The following PYROXD2 variants were observed in gnomAD, a reference collection of about 807,000 sequenced individuals.
PYROXD2 encodes pyridine nucleotide-disulfide oxidoreductase domain-containing protein 2.
Under a neutral mutation model 71.1 loss-of-function variants are expected in PYROXD2, and 69 were observed. The observed-to-expected ratio is 0.97, with a 90% CI of 0.80 to 1.19. The LOEUF is 1.19. Among genes scored for constraint, PYROXD2 ranks in the 50% most tolerant of loss-of-function variants. The pLI is 0.00. For missense variants in PYROXD2, 745 were observed against 748.9 expected, an observed-to-expected ratio of 0.99 and a Z score of 0.06; for synonymous variants, 287 against 302.7, an observed-to-expected ratio of 0.95 and a Z score of 0.54.
chr10:98,390,491 T>C, intron 12 of PYROXD2, 107 bp downstream of exon 12: 2 of 1,295,816 alleles, frequency 1.5e-6, no homozygotes, highest in Non-Finnish European at 2.1e-6. Flanking sequence ...TAAGTCACTG[T>C]GAAGGTTGAA....
At chr10:98,394,490 G>C (rs11597428) in intron 8 of PYROXD2, among the ~76,000 whole-genome samples, 51,215 of 151,002 alleles carry the variant, frequency 0.34, 8,913 homozygotes, top group South Asian at 0.44. Flanking sequence ...GCTTCTAGCT[G>C]TATCTTCTGG....
At chr10:98,387,150 G>T in intron 14 of PYROXD2, 51 bp downstream of exon 14, 1 of 1,347,114 alleles carries the variant, frequency 7.4e-7, no homozygotes. Context: ...GCCAGGAAGT[G>T]AGGGTGCAGA....
At position 98,407,579 on chromosome 10, in the gene PYROXD2, T is replaced by A. The variant is rs200172567; in HGVS notation, c.315+3A>T. The A allele has an allele frequency of 6.8e-5, 109 of 1,613,484 alleles. No homozygotes were observed. Among genetic ancestry groups the A allele is most frequent in the African/African-American group, 9.3e-5 (7 of 74,890 alleles). On this transcript the variant is annotated splice_donor_region_variant and intron_variant, in intron 4 of 15. Coordinates refer to ENST00000370575, the MANE Select transcript of PYROXD2 (RefSeq NM_032709.3). ...TGCAATCGGGCCGGCGGGGGGGCCC[T>A]ACCTTCAGCTCCAGATCAGTGTAAA... is the stretch of plus-strand genomic sequence containing the variant.
At chr10:98,399,539 C>A (rs563140035) in intron 5 of PYROXD2, among the ~76,000 whole-genome samples, 14 of 151,992 alleles carry the variant, frequency 9.2e-5, no homozygotes, top group South Asian at 6.2e-4. Context: ...ATTCTCCATC[C>A]GACATGTGTT....
At chr10:98,392,055 G>A (rs568639084) in intron 10 of PYROXD2, among the ~76,000 whole-genome samples, 1 of 152,262 alleles carries the variant, frequency 6.6e-6, no homozygotes, top group Admixed American at 6.5e-5. Flanking sequence ...GTGGCTCTTT[G>A]TTAATTGATT....
rs374405347 is a variant in PYROXD2, at chr10:98,407,929, T to C, written c.216A>G (p.Ala72=). ...VFERRHVIGG[A]AVTEEIIPGF... is the part of the protein sequence containing the mutation. Reference sequence around the variant, plus strand: ...CTGGGATGATCTCCTCAGTGACAGCTGCACCCCCGATCACATGGCGCCTCT... The same window carrying C: ...CTGGGATGATCTCCTCAGTGACAGCCGCACCCCCGATCACATGGCGCCTCT... Residue 72 remains alanine, a synonymous_variant, in exon 3 of 16, where the codon GCA becomes GCG. Transcript: ENST00000370575. 1 of 1,610,536 alleles carries C rather than the reference T, an allele frequency of 6.2e-7. No homozygotes were observed. Among genetic ancestry groups the C allele is most frequent in the African/African-American group, 1.3e-5 (1 of 74,886 alleles).
At chr10:98,412,794 G>C (rs117575142) in intron 1 of PYROXD2, among the ~76,000 whole-genome samples, 1 of 152,086 alleles carries the variant, frequency 6.6e-6, no homozygotes, top group Non-Finnish European at 1.5e-5. Context: ...GCACTTGTAG[G>C]CAAGTCACCA....
intron 15 of PYROXD2, among the ~76,000 whole-genome samples, chr10:98,384,428 G>A (rs1842686507): frequency 6.6e-6 from 1 of 152,070 alleles, no homozygotes; most frequent in African/African-American, 2.4e-5. Flanking sequence ...GACCAGCCCG[G>A]GCAACCTAAC....
chr10:98,387,177 G>C (rs1842780257), intron 14 of PYROXD2, 24 bp downstream of exon 14: 1 of 1,564,736 alleles, frequency 6.4e-7, no homozygotes. Flanking sequence ...GCTATGGTGA[G>C]AGACCCCCTA....
At chr10:98,401,037 G>A (rs868190189) in intron 4 of PYROXD2, among the ~76,000 whole-genome samples, 72 of 152,160 alleles carry the variant, frequency 4.7e-4, no homozygotes, top group African/African-American at 1.7e-3. Flanking sequence ...GCAGATCAGC[G>A]AGGTCAGGAG....
chr10:98,392,671 C>G, intron 9 of PYROXD2, 105 bp from the exon 10 acceptor site: 1 of 1,526,274 alleles, frequency 6.6e-7, no homozygotes, highest in Non-Finnish European at 8.8e-7. Context: ...TTCACAACTT[C>G]TTCATCCCAA....
Position 98,395,572 on chromosome 10 carries a change from C to T in PYROXD2, c.626-120G>A, listed in dbSNP as rs1050064005. 14 of 801,032 alleles carry T rather than the reference C, an allele frequency of 1.7e-5. No homozygotes were observed. In the African/African-American group the frequency reaches 2.2e-4, roughly 13 times the overall value. The allele number at this position is 801,032 out of a possible 1,614,324, so 49.6% of individuals were successfully genotyped here. Reference sequence around the variant, plus strand: ...CTTCCTGCCAGGAGGTGGTATAGCACAGCCAATGCAGGGACAGATCCAGCT... The same window carrying T: ...CTTCCTGCCAGGAGGTGGTATAGCATAGCCAATGCAGGGACAGATCCAGCT... On this transcript the variant is annotated intron_variant, in intron 6 of 15. Coordinates refer to ENST00000370575, the MANE Select transcript of PYROXD2 (RefSeq NM_032709.3).
intron 4 of PYROXD2, among the ~76,000 whole-genome samples, chr10:98,403,690 ACCT>A (rs1201189707): frequency 6.6e-6 from 1 of 151,896 alleles, no homozygotes; most frequent in Non-Finnish European, 1.5e-5. Flanking sequence ...CTCAAATGTC[ACCT>A]CCTTGAGGAA....
rs1315989469 is a variant in PYROXD2 at position 98,407,154 on chromosome 10, C to A, written c.315+428G>T. Among the ~76,000 whole-genome samples, 4 of 152,196 alleles carry A rather than the reference C, an allele frequency of 2.6e-5. No individual in the cohort carries two copies. The East Asian group carries it at 7.7e-4, about 29-fold the overall frequency. ...GCCAGATGAGACTCCCAGGAACCTTCCAAAAAGCCCGGGAGCCAGAAAAGT... is the reference window on the plus strand; with the variant it reads ...GCCAGATGAGACTCCCAGGAACCTTACAAAAAGCCCGGGAGCCAGAAAAGT... On this transcript the variant is annotated intron_variant, in intron 4 of 15. Coordinates refer to ENST00000370575, the MANE Select transcript of PYROXD2 (RefSeq NM_032709.3).
chr10:98,412,235 T>A (rs1347779854), intron 1 of PYROXD2, among the ~76,000 whole-genome samples: 1 of 152,206 alleles, frequency 6.6e-6, no homozygotes, highest in Non-Finnish European at 1.5e-5. Context: ...AGACCTCAAA[T>A]GAGTAAGGTC....
intron 14 of PYROXD2, among the ~76,000 whole-genome samples, 166 bp from the exon 15 acceptor site, chr10:98,385,233 C>T (rs1007640435): frequency 3.3e-5 from 5 of 152,222 alleles, no homozygotes; most frequent in African/African-American, 1.2e-4. Context: ...GGAATGGGCA[C>T]ATGCCCTGGG....
chr10:98,393,157 C>T (rs1433954847), intron 8 of PYROXD2, 74 bp from the exon 9 acceptor site: 2 of 1,189,304 alleles, frequency 1.7e-6, no homozygotes, highest in East Asian at 5.3e-5. Context: ...GCAACTATTC[C>T]TTTCCATCTT....
Position 98,415,006 on chromosome 10 carries a change from T to C in PYROXD2, c.127+3A>G. ...TCTGGCCCGGCCTGCTTTACCACTT[T>C]ACCTGCTCCTATCACCACCGCATCA... On this transcript the variant is annotated splice_donor_region_variant and intron_variant, in intron 1 of 15. Transcript: ENST00000370575. 1.2e-6 allele frequency: 2 copies of C among 1,613,110 alleles called. No individual in the cohort carries two copies. The highest frequency in any genetic ancestry group is 1.7e-6 in the Non-Finnish European group (2 of 1,179,474).
chr10:98,397,586 T>A, intron 5 of PYROXD2, 88 bp from the exon 6 acceptor site: 1 of 1,438,870 alleles, frequency 6.9e-7, no homozygotes. Flanking sequence ...CCCCACAGCT[T>A]GACGGTTCCT....
Sources: gnomAD v4.1 joint callset for allele counts (sites outside exome capture counted in the v4.1 genomes callset) on GRCh38, gnomAD v4.1.1 for gene constraint, MANE v1.5 for transcripts, NCBI Gene and HGNC (gene_info 2026-07-23, HGNC 2026-07-21) for gene names.